Variants in ASXL1 observed in about 807,000 individuals in gnomAD.
ASXL1 encodes the protein ASXL transcriptional regulator 1.
ASXL1 carries 65 observed loss-of-function variants against 89.1 expected under a neutral mutation model. The observed-to-expected ratio is 0.73, with a 90% confidence interval of 0.60 to 0.90. The LOEUF (loss-of-function observed/expected upper bound fraction) is 0.90, where lower values mean the gene tolerates loss of function less well. ASXL1 is among the 40% of genes least tolerant of loss of function. ASXL1 has a pLI of 0.00. For missense variants in ASXL1, 1,786 were observed against 1,942.9 expected, an observed-to-expected ratio of 0.92 and a Z score of 1.52; for synonymous variants, 739 against 746.9, an observed-to-expected ratio of 0.99 and a Z score of 0.17.
chr20:32,366,290 G>A (rs953222076), intron 1 of ASXL1, 94 bp from the exon 2 acceptor site: 10 of 1,083,400 alleles, frequency 9.2e-6, no homozygotes, highest in Non-Finnish European at 1.3e-5. Flanking sequence ...TGTCACCAGC[G>A]GTACCTCATA....
chr20:32,418,628 C>G (rs867878594), intron 4 of ASXL1, among the ~76,000 whole-genome samples: 2 of 152,068 alleles, frequency 1.3e-5, no homozygotes, highest in African/African-American at 4.8e-5. Flanking sequence ...CCTAGCATCA[C>G]CAGTCTACTC....
chr20:32,436,172 G>C lies in ASXL1; in HGVS notation c.3460G>C (p.Gly1154Arg), dbSNP rs199571804. ...CTCGCTACGCATGGGATCTTTACATGGTCTTGGAAAAAACAGTGGCATGGT... is the reference window on the plus strand; with the variant it reads ...CTCGCTACGCATGGGATCTTTACATCGTCTTGGAAAAAACAGTGGCATGGT... ...HGSLRMGSLHGLGKNSGMVDG... is the reference protein window; with the variant it reads ...HGSLRMGSLHRLGKNSGMVDG... The change falls in exon 13 of 13, where the codon GGT (glycine) becomes CGT (arginine). Residue 1154 changes from glycine to arginine, a missense_variant. Coordinates refer to ENST00000375687, the MANE Select transcript of ASXL1 (RefSeq NM_015338.6). The C allele has an allele frequency of 8.5e-5, 137 of 1,614,200 alleles. No individual in the cohort carries two copies. Among genetic ancestry groups the C allele is most frequent in the Non-Finnish European group, 1.1e-4 (134 of 1,180,034 alleles).
chr20:32,428,430 A>G lies in ASXL1; in HGVS notation c.471+8A>G, dbSNP rs761170811. 1.9e-6 allele frequency: 3 copies of G among 1,602,560 alleles called. No homozygotes were observed. The South Asian group carries it at 3.3e-5, about 18-fold the overall frequency. On this transcript the variant is annotated splice_region_variant and intron_variant, in intron 6 of 12. Transcript: ENST00000375687. ...TACAGAGCTTCCTCACAGGTAAGGAAGAGGTAGAGCCTAGCCTGGGAGGAT... is the reference window on the plus strand; with the variant it reads ...TACAGAGCTTCCTCACAGGTAAGGAGGAGGTAGAGCCTAGCCTGGGAGGAT...
chr20:32,437,693 T>G lies in ASXL1; in HGVS notation c.*355T>G. The G allele has an allele frequency of 2.6e-6, 1 of 386,406 alleles. No homozygotes were observed. The highest frequency in any genetic ancestry group is 4.8e-6 in the Non-Finnish European group (1 of 209,924). 23.9% of individuals were successfully genotyped at this position (386,406 alleles called of 1,614,324 possible). A position where few individuals can be genotyped will look rare whatever the true frequency, so the allele number is the denominator to read the frequency against. ...AGGTTGCATTCTCCACCAAGGGAGT[T>G]AACCTACCTGAACTAAGTAGAAATG... On this transcript the variant is annotated 3_prime_UTR_variant, in exon 13 of 13. Transcript: ENST00000375687.
intron 4 of ASXL1, among the ~76,000 whole-genome samples, chr20:32,396,510 T>C (rs1325392873): frequency 1.3e-5 from 2 of 152,216 alleles, no homozygotes; most frequent in Non-Finnish European, 2.9e-5. Flanking sequence ...TATTTATTCT[T>C]ATTTAATCTG....
rs1298915538 is a variant in ASXL1 at position 32,434,513 on chromosome 20, A to G, written c.1801A>G (p.Thr601Ala). Residue 601 changes from threonine to alanine, a missense_variant, in exon 13 of 13, where the codon ACG (threonine) becomes GCG (alanine). Coordinates refer to ENST00000375687, the MANE Select transcript of ASXL1 (RefSeq NM_015338.6). Reference sequence around the variant, plus strand: ...GATATGCCCCCGGATCATCCCCACCACGGAGTCCTCCTGCCGGGGTTGGAC... The same window carrying G: ...GATATGCCCCCGGATCATCCCCACCGCGGAGTCCTCCTGCCGGGGTTGGAC... ...YQICPRIIPT[T>A]ESSCRGWTGA... is the part of the protein sequence containing the mutation. The G allele has an allele frequency of 3.7e-6, 6 of 1,613,790 alleles. No individual in the cohort carries two copies. Among genetic ancestry groups the G allele is most frequent in the Non-Finnish European group, 4.2e-6 (5 of 1,180,010 alleles).
At chr20:32,367,603 A>G in intron 2 of ASXL1, 124 bp from the exon 3 acceptor site, 1 of 733,322 alleles carries the variant, frequency 1.4e-6, no homozygotes, top group Non-Finnish European at 2.5e-6. Context: ...GATTGTCTAC[A>G]TCACATTTAT....
At chr20:32,366,332 T>A in intron 1 of ASXL1, 52 bp from the exon 2 acceptor site, 1 of 1,464,768 alleles carries the variant, frequency 6.8e-7, no homozygotes, top group Non-Finnish European at 9.6e-7. Flanking sequence ...TATGGATGGA[T>A]GGATATAAAT....
At chr20:32,359,942 A>C in intron 1 of ASXL1, 1 of 680,252 alleles carries the variant, frequency 1.5e-6, no homozygotes. Context: ...TGCGGATAGC[A>C]TAAGTGTCTC....
intron 4 of ASXL1, among the ~76,000 whole-genome samples, chr20:32,387,244 A>G (rs1458152002): frequency 6.6e-6 from 1 of 152,146 alleles, no homozygotes. Context: ...GACAGGTTTC[A>G]GTGAGCCGAG....
At chr20:32,369,230 A>G in intron 4 of ASXL1, 107 bp downstream of exon 4, 1 of 1,061,222 alleles carries the variant, frequency 9.4e-7, no homozygotes, top group Non-Finnish European at 1.5e-6. Context: ...CATTTCTCAT[A>G]TGCAGTCAGG....
At chr20:32,368,406 T>G (rs2048240768) in intron 3 of ASXL1, among the ~76,000 whole-genome samples, 2 of 152,228 alleles carry the variant, frequency 1.3e-5, no homozygotes, top group Non-Finnish European at 1.5e-5. Flanking sequence ...CCACTTGACT[T>G]ACTTTTTGCA....
chr20:32,398,167 C>T (rs1407013962), intron 4 of ASXL1, among the ~76,000 whole-genome samples: 1 of 152,116 alleles, frequency 6.6e-6, no homozygotes, highest in Admixed American at 6.6e-5. Flanking sequence ...GGTTGTTTCT[C>T]TTTTAAAAAT....
rs1312565826 is a variant in ASXL1 at position 32,429,059 on chromosome 20, A to G, written c.472-279A>G. 4.5e-6 allele frequency: 2 copies of G among 444,230 alleles called. No individual in the cohort carries two copies. Among genetic ancestry groups the G allele is most frequent in the Non-Finnish European group, 8.4e-6 (2 of 238,850 alleles). The allele number at this position is 444,230 out of a possible 1,614,324, so 27.5% of individuals were successfully genotyped here. A position where few individuals can be genotyped will look rare whatever the true frequency, so the allele number is the denominator to read the frequency against. ...AGGAGATTGGGAGTGAGCAGTTTGA[A>G]TGATAACCCTGCACTTACTAGCCTT... On this transcript the variant is annotated intron_variant, in intron 6 of 12. Coordinates refer to ENST00000375687, the MANE Select transcript of ASXL1 (RefSeq NM_015338.6). The surrounding 1 kb of genome is among the most constrained non-coding windows in gnomAD (Gnocchi z 4.9).
At chr20:32,419,836 C>T (rs1258499742) in intron 4 of ASXL1, among the ~76,000 whole-genome samples, 5 of 151,866 alleles carry the variant, frequency 3.3e-5, no homozygotes, top group South Asian at 4.1e-4. Flanking sequence ...TGCGCTACCA[C>T]GCCGGGCTAA....
chr20:32,381,892 TTTC>T (rs1362107891), intron 4 of ASXL1, among the ~76,000 whole-genome samples: 1 of 151,996 alleles, frequency 6.6e-6, no homozygotes, highest in Non-Finnish European at 1.5e-5. Flanking sequence ...TAGAATGTGC[TTTC>T]TTTTTAGGTT....
rs751259103 is a variant in ASXL1, at chr20:32,436,559, G to A, written c.3847G>A (p.Gly1283Ser). The A allele has an allele frequency of 1.2e-6, 2 of 1,614,218 alleles. No individual in the cohort carries two copies. The highest frequency in any genetic ancestry group is 3.3e-5 in the Admixed American group (2 of 60,034). The change falls in exon 13 of 13, where the codon GGT becomes AGT. Residue 1283 changes from glycine (G) to serine (S), a missense_variant. This residue lies in a region of ASXL1 where 1,418 missense variants were observed against 1,427.8 expected (regional missense o/e 0.99). Coordinates refer to ENST00000375687, the MANE Select transcript of ASXL1 (RefSeq NM_015338.6). ...CTCATCTCCAAATGTGATCTCCTTT[G>A]GTCCAGAGCAGACAGGTCGGGCCCT... is the stretch of plus-strand genomic sequence containing the variant. ...RFSSPNVISF[G>S]PEQTGRALGD...
Position 32,428,258 on chromosome 20 carries a change from C to G in ASXL1, c.373+10C>G, listed in dbSNP as rs1249313100. 1 of 1,614,046 alleles carries G rather than the reference C, an allele frequency of 6.2e-7. No homozygotes were observed. The highest frequency in any genetic ancestry group is 8.5e-7 in the Non-Finnish European group (1 of 1,180,018). On this transcript the variant is annotated intron_variant, in intron 5 of 12. Coordinates refer to ENST00000375687, the MANE Select transcript of ASXL1 (RefSeq NM_015338.6). ...AGTGGTGAAAACGATGGTAAGGACC[C>G]TTTAATGGATGGGTGAGGGAGCCAC...
At chr20:32,363,451 T>C (rs1189853771) in intron 1 of ASXL1, among the ~76,000 whole-genome samples, 1 of 152,190 alleles carries the variant, frequency 6.6e-6, no homozygotes, top group Admixed American at 6.5e-5. Flanking sequence ...CCCTCAGGGC[T>C]TATGGTCTTC....
Sources: gnomAD v4.1 joint callset for allele counts (sites outside exome capture counted in the v4.1 genomes callset) on GRCh38, gnomAD v4.1.1 for gene constraint, gnomAD v4.1.1 regional missense constraint, Gnocchi (gnomAD v3.1) non-coding constraint, MANE v1.5 for transcripts, NCBI Gene and HGNC (gene_info 2026-07-23, HGNC 2026-07-21) for gene names.